The following CCDC3 variants were observed in gnomAD, a reference collection of about 807,000 sequenced individuals.
The protein encoded by CCDC3 is coiled-coil domain containing 3.
Under a neutral mutation model 21.4 loss-of-function variants are expected in CCDC3, and 24 were observed. That is an observed-to-expected ratio of 1.12 (90% CI 0.81 to 1.58). The LOEUF (loss-of-function observed/expected upper bound fraction) is 1.58, where lower values mean the gene tolerates loss of function less well. Among genes scored for constraint, CCDC3 ranks in the 40% most tolerant of loss-of-function variants. The pLI is 0.00. For missense variants in CCDC3, 425 were observed against 360.9 expected, an observed-to-expected ratio of 1.18 and a Z score of -1.44; for synonymous variants, 186 against 166.0, an observed-to-expected ratio of 1.12 and a Z score of -0.93.
At chr10:13,004,542 G>A (rs1835903567), upstream of CCDC3, among the ~76,000 whole-genome samples, 1 of 151,434 alleles carries the variant, frequency 6.6e-6, no homozygotes, top group South Asian at 2.1e-4. Context: ...GTCTATTTCA[G>A]TGAGGACAAA....
At chr10:13,000,971 C>T (rs144517113) in intron 1 of CCDC3, among the ~76,000 whole-genome samples, 1 of 152,196 alleles carries the variant, frequency 6.6e-6, no homozygotes, top group African/African-American at 2.4e-5. Flanking sequence ...GGCACAGAAA[C>T]CTTCCCTGTC....
intron 2 of CCDC3, among the ~76,000 whole-genome samples, chr10:12,902,039 G>A (rs762835737): frequency 7.9e-5 from 12 of 152,150 alleles, no homozygotes; most frequent in East Asian, 1.9e-4. Context: ...ATGGCACGCC[G>A]TAGCTATTCA....
At chr10:13,063,716 A>G (rs2131434461) in intron 4 of CCDC3, among the ~76,000 whole-genome samples, 1 of 152,268 alleles carries the variant, frequency 6.6e-6, no homozygotes, top group Non-Finnish European at 1.5e-5. Flanking sequence ...CAAATGCTTC[A>G]GTATTTTGGC....
intron 2 of CCDC3, among the ~76,000 whole-genome samples, chr10:12,989,943 C>G (rs1316083017): frequency 6.6e-6 from 1 of 151,898 alleles, no homozygotes; most frequent in African/African-American, 2.4e-5. Context: ...AAAAAAAATG[C>G]CAGTTTAATT....
intron 5 of CCDC3, among the ~76,000 whole-genome samples, chr10:13,014,911 C>T (rs1018803011): frequency 6.6e-6 from 1 of 152,076 alleles, no homozygotes; most frequent in Non-Finnish European, 1.5e-5. Flanking sequence ...ACAGTCATAT[C>T]AGGAGAATAA....
At chr10:12,992,299 A>C (rs1325516441) in intron 2 of CCDC3, among the ~76,000 whole-genome samples, 2 of 152,120 alleles carry the variant, frequency 1.3e-5, no homozygotes, top group African/African-American at 4.8e-5. Context: ...CTGAGGCATG[A>C]GAATCGCTTG....
intron 2 of CCDC3, among the ~76,000 whole-genome samples, chr10:12,983,345 G>T (rs1835536187): frequency 6.6e-6 from 1 of 151,116 alleles, no homozygotes; most frequent in Non-Finnish European, 1.5e-5. Flanking sequence ...AGCTGAGGCG[G>T]GCAGATCACT....
intron 1 of CCDC3, among the ~76,000 whole-genome samples, chr10:12,998,869 C>A (rs182068590): frequency 4.6e-5 from 7 of 152,280 alleles, no homozygotes; most frequent in Admixed American, 3.9e-4. Context: ...TAAGTTCTGT[C>A]TTTGCTATTT....
chr10:12,936,711 T>G (rs1036698012), intron 2 of CCDC3, among the ~76,000 whole-genome samples: 19 of 152,294 alleles, frequency 1.2e-4, no homozygotes, highest in African/African-American at 4.6e-4. Context: ...GGCAGGAGAA[T>G]CTTTTAGGCA....
chr10:13,070,197 T>C (rs1374161509), intron 4 of CCDC3, among the ~76,000 whole-genome samples: 1 of 152,242 alleles, frequency 6.6e-6, no homozygotes, highest in Non-Finnish European at 1.5e-5. Context: ...CCTTTAATCA[T>C]TGAGTAAGGT....
intron 2 of CCDC3, among the ~76,000 whole-genome samples, chr10:12,920,477 T>C (rs987292260): frequency 6.6e-6 from 1 of 152,166 alleles, no homozygotes; most frequent in Admixed American, 6.5e-5. Context: ...GGAGCAGTTA[T>C]TTACCCAGGG....
chr10:12,908,890 C>T (rs1218221888), intron 2 of CCDC3, among the ~76,000 whole-genome samples: 1 of 152,138 alleles, frequency 6.6e-6, no homozygotes, highest in Non-Finnish European at 1.5e-5. Context: ...CGGCGCCTGG[C>T]CAGAACTGTG....
At chr10:12,910,532 T>A (rs1278405318) in intron 2 of CCDC3, among the ~76,000 whole-genome samples, 1 of 151,230 alleles carries the variant, frequency 6.6e-6, no homozygotes, top group Non-Finnish European at 1.5e-5. Flanking sequence ...AGGATTGTCC[T>A]TCCTGGCTTG....
intron 5 of CCDC3, among the ~76,000 whole-genome samples, chr10:13,046,341 G>A (rs1338903678): frequency 6.6e-6 from 1 of 151,830 alleles, no homozygotes; most frequent in Non-Finnish European, 1.5e-5. Context: ...AGGAGTATGA[G>A]GCTGCAGTGA....
chr10:13,008,332 C>T (rs1835948203), intron 5 of CCDC3, among the ~76,000 whole-genome samples: 1 of 152,100 alleles, frequency 6.6e-6, no homozygotes, highest in Admixed American at 6.6e-5. Context: ...GATGAGTGTC[C>T]ATGCAGAAGG....
chr10:12,927,324 C>G (rs952103602), intron 2 of CCDC3, among the ~76,000 whole-genome samples: 19 of 152,176 alleles, frequency 1.2e-4, no homozygotes, highest in African/African-American at 3.9e-4. Context: ...GCACACATCT[C>G]TAGCTGATAA....
chr10:13,045,998 G>C (rs897814327), intron 5 of CCDC3, among the ~76,000 whole-genome samples: 1 of 152,030 alleles, frequency 6.6e-6, no homozygotes, highest in African/African-American at 2.4e-5. Context: ...GCTGAGGCAG[G>C]AGAAGCACTT....
intron 5 of CCDC3, among the ~76,000 whole-genome samples, chr10:13,042,736 G>A (rs1274568641): frequency 6.6e-6 from 1 of 151,656 alleles, no homozygotes; most frequent in Non-Finnish European, 1.5e-5. Context: ...GTGAAACCCT[G>A]TCTCTACTAA....
At chr10:13,034,156 A>C (rs1008798931) in intron 5 of CCDC3, among the ~76,000 whole-genome samples, 55 of 152,196 alleles carry the variant, frequency 3.6e-4, no homozygotes, top group African/African-American at 1.3e-3. Flanking sequence ...GGAATACTAT[A>C]CAGCCATAAA....
Sources: gnomAD v4.1 joint callset for allele counts (sites outside exome capture counted in the v4.1 genomes callset) on GRCh38, gnomAD v4.1.1 for gene constraint, MANE v1.5 for transcripts, NCBI Gene and HGNC (gene_info 2026-07-23, HGNC 2026-07-21) for gene names.